Variants in NACC2 observed in about 807,000 individuals in gnomAD.
NACC2 encodes the protein nucleus accumbens-associated protein 2.
NACC2 carries 8 observed loss-of-function variants against 25.1 expected under a neutral mutation model. That is an observed-to-expected ratio of 0.32 (90% confidence interval 0.19 to 0.57). The LOEUF (loss-of-function observed/expected upper bound fraction) is 0.57, where lower values mean the gene tolerates loss of function less well. Ranked by LOEUF, NACC2 falls within the 20% of genes least tolerant of loss-of-function variation. The pLI, the probability that NACC2 is intolerant of heterozygous loss-of-function variation, is 0.89. For synonymous variants in NACC2, 435 were observed against 294.7 expected, an observed-to-expected ratio of 1.48 and a Z score of -4.88; for missense variants, 644 against 650.2, an observed-to-expected ratio of 0.99 and a Z score of 0.10.
intron 2 of NACC2, among the ~76,000 whole-genome samples, chr9:136,039,487 G>C (rs1213583610): frequency 1.3e-5 from 2 of 152,160 alleles, no homozygotes; most frequent in Non-Finnish European, 2.9e-5. Flanking sequence ...CATAAAGCCA[G>C]CATAATGTGG....
At chr9:136,032,673 G>T (rs1840491271) in intron 2 of NACC2, among the ~76,000 whole-genome samples, 1 of 152,188 alleles carries the variant, frequency 6.6e-6, no homozygotes. Flanking sequence ...AAGGCAGGCG[G>T]ATCACTTGAG....
chr9:136,059,531 G>T (rs1458329791), intron 1 of NACC2, among the ~76,000 whole-genome samples: 1 of 152,244 alleles, frequency 6.6e-6, no homozygotes, highest in African/African-American at 2.4e-5. Context: ...GGTCCACTCA[G>T]GGAGCTGGGG....
intron 2 of NACC2, among the ~76,000 whole-genome samples, chr9:136,049,124 A>G (rs1840774363): frequency 6.6e-6 from 1 of 152,222 alleles, no homozygotes; most frequent in African/African-American, 2.4e-5. Flanking sequence ...CCTCCTTGAA[A>G]GAAAGGAACG....
chr9:136,093,990 G>A (rs988846608), intron 1 of NACC2, among the ~76,000 whole-genome samples: 5 of 152,262 alleles, frequency 3.3e-5, no homozygotes, highest in African/African-American at 1.2e-4. Flanking sequence ...GAGAAGAAGG[G>A]GCGACCTGGA....
chr9:136,042,731 G>GAGAC (rs1840656229), intron 2 of NACC2, among the ~76,000 whole-genome samples: 1 of 144,812 alleles, frequency 6.9e-6, no homozygotes, highest in South Asian at 2.2e-4. Context: ...CACAGACACA[G>GAGAC]ACACACACAG....
chr9:136,061,566 G>A (rs1841010822), intron 1 of NACC2, among the ~76,000 whole-genome samples: 1 of 152,176 alleles, frequency 6.6e-6, no homozygotes, highest in Non-Finnish European at 1.5e-5. Context: ...GTACCCAAGA[G>A]GATGCGTGTA....
At chr9:136,043,330 C>T (rs7025716) in intron 2 of NACC2, among the ~76,000 whole-genome samples, 39,093 of 152,138 alleles carry the variant, frequency 0.26, 5,222 homozygotes, top group African/African-American at 0.31. Flanking sequence ...TTATAAAGTA[C>T]GGCTTATTCA....
At chr9:136,087,656 A>G (rs1374282292) in intron 1 of NACC2, among the ~76,000 whole-genome samples, 2 of 152,198 alleles carry the variant, frequency 1.3e-5, no homozygotes, top group African/African-American at 4.8e-5. Context: ...CGGAGCTCAC[A>G]GCGGGAAAAC....
chr9:136,062,114 AGACAG>A (rs10597829), intron 1 of NACC2, among the ~76,000 whole-genome samples: 52,523 of 142,252 alleles, frequency 0.37, 11,015 homozygotes, highest in Non-Finnish European at 0.43. Context: ...CAACAGAGCG[AGACAG>A]GACAGGACAG....
At chr9:136,048,818 G>A (rs1428898071) in intron 2 of NACC2, among the ~76,000 whole-genome samples, 2 of 152,188 alleles carry the variant, frequency 1.3e-5, no homozygotes, top group Non-Finnish European at 2.9e-5. Flanking sequence ...TCCCATCAGG[G>A]CACAGGGATA....
chr9:136,053,864 G>A (rs928136684), intron 1 of NACC2, among the ~76,000 whole-genome samples: 1 of 152,130 alleles, frequency 6.6e-6, no homozygotes, highest in Non-Finnish European at 1.5e-5. Context: ...TACCTGGGCT[G>A]GGTAGGGCAG....
At chr9:136,092,042 G>A (rs570720763) in intron 1 of NACC2, among the ~76,000 whole-genome samples, 1 of 152,356 alleles carries the variant, frequency 6.6e-6, no homozygotes, top group South Asian at 2.1e-4. Context: ...TCCACCTGGG[G>A]ATTAGGGGGC....
intron 2 of NACC2, among the ~76,000 whole-genome samples, chr9:136,047,976 C>G (rs1840754850): frequency 6.6e-6 from 1 of 152,204 alleles, no homozygotes; most frequent in Admixed American, 6.5e-5. Flanking sequence ...GGGGGCTGTG[C>G]AGGGAGGACC....
In NACC2 at chr9:136,013,613, G is replaced by C. The variant is rs954561475; in HGVS notation, c.1157+251C>G. Among the ~76,000 whole-genome samples the C allele has an allele frequency of 6.6e-6, 1 of 152,220 alleles. No homozygotes were observed. Among genetic ancestry groups the C allele is most frequent in the Non-Finnish European group, 1.5e-5 (1 of 68,038 alleles). ...TTGGCCCATCAGCACAACAGAATAA[G>C]TGTGGCTCTTCATTTTTCTGTTGTG... On this transcript the variant is annotated intron_variant, in intron 4 of 5. Coordinates refer to ENST00000277554, the MANE Select transcript of NACC2 (RefSeq NM_144653.5). This position sits in a 1 kb window ranked among gnomAD's most constrained non-coding sequence, Gnocchi z 6.6.
intron 1 of NACC2, among the ~76,000 whole-genome samples, chr9:136,054,400 C>T (rs1840894564): frequency 6.6e-6 from 1 of 152,196 alleles, no homozygotes; most frequent in Non-Finnish European, 1.5e-5. Flanking sequence ...CAGCCCCACG[C>T]CCCAGCCTGC....
chr9:136,014,010 G>T, intron 3 of NACC2, 41 bp from the exon 4 acceptor site: 3 of 1,513,242 alleles, frequency 2.0e-6, no homozygotes, highest in Non-Finnish European at 2.7e-6. Flanking sequence ...GGCCTTCCCG[G>T]GCCATAGGGT....
intron 1 of NACC2, among the ~76,000 whole-genome samples, chr9:136,069,693 A>G (rs1841128265): frequency 6.6e-6 from 1 of 151,960 alleles, no homozygotes; most frequent in Non-Finnish European, 1.5e-5. Flanking sequence ...CTTCAAATAA[A>G]GCATATTTCA....
rs1056862116 is a variant in NACC2 at position 136,050,453 on chromosome 9, C to T, written c.69G>A (p.Gln23=). 22 of 766,530 alleles carry T rather than the reference C, an allele frequency of 2.9e-5. 1 individual carries two copies. The highest frequency in any genetic ancestry group is 2.7e-4 in the South Asian group (20 of 74,416). 47.5% of individuals were successfully genotyped at this position (766,530 alleles called of 1,614,324 possible). A position where few individuals can be genotyped will look rare whatever the true frequency, so the allele number is the denominator to read the frequency against. Residue 23 remains glutamine (Q), a synonymous_variant, in exon 2 of 6, where the codon CAG becomes CAA. Transcript: ENST00000277554. ...GNTVLGCLNE[Q]RLLGLYCDVS... is the part of the protein sequence containing the mutation. The stretch of plus-strand genomic sequence containing the variant: ...CATCGCAGTAGAGGCCCAGCAGGCG[C>T]TGCTCGTTCAGGCAGCCCAGCACTG...
At chr9:136,035,724 A>AG (rs1840541872) in intron 2 of NACC2, among the ~76,000 whole-genome samples, 1 of 151,998 alleles carries the variant, frequency 6.6e-6, no homozygotes, top group Non-Finnish European at 1.5e-5. Context: ...AAAAAAAAAA[A>AG]AAGTTCAGCC....
Sources: gnomAD v4.1 joint callset for allele counts (sites outside exome capture counted in the v4.1 genomes callset) on GRCh38, gnomAD v4.1.1 for gene constraint, Gnocchi (gnomAD v3.1) non-coding constraint, MANE v1.5 for transcripts, NCBI Gene and HGNC (gene_info 2026-07-23, HGNC 2026-07-21) for gene names.